TEX11: variants seen among roughly 807,000 people sequenced by gnomAD.
The protein encoded by TEX11 is testis-expressed protein 11.
A neutral mutation model predicts 84.4 loss-of-function variants in TEX11; 7 were observed. The ratio of observed to expected loss-of-function variants is 0.08; its 90% CI spans 0.05 to 0.16. TEX11 has a LOEUF of 0.16. Ranked by LOEUF, TEX11 falls within the 10% of genes least tolerant of loss-of-function variation. TEX11 has a pLI of 1.00. For missense variants in TEX11, 551 were observed against 660.5 expected (o/e 0.83, Z 1.82); for synonymous variants, 264 against 222.8 (o/e 1.18, Z -1.64).
At chrX:70,585,163 AC>A (rs2088836984) in intron 25 of TEX11, among the ~76,000 whole-genome samples, 1 of 112,393 alleles carries the variant, frequency 8.9e-6, no homozygotes, top group Admixed American at 9.5e-5. Flanking sequence ...CAAGAAAGCT[AC>A]AAATTCGGCA....
At chrX:70,591,641 A>T in intron 25 of TEX11, 110 bp downstream of exon 25, 2 of 492,400 alleles carry the variant, frequency 4.1e-6, no homozygotes, top group Non-Finnish European at 6.7e-6. Context: ...AAAACATTTG[A>T]CTGGTTATCA....
chrX:70,639,455 C>T (rs1297751543), intron 17 of TEX11, among the ~76,000 whole-genome samples: 3 of 112,309 alleles, frequency 2.7e-5, no homozygotes, highest in Non-Finnish European at 3.8e-5. Context: ...TAGGCTCCAC[C>T]TCTGGGGGCA....
At chrX:70,878,717 T>C (rs1484687602) in intron 3 of TEX11, among the ~76,000 whole-genome samples, 1 of 110,324 alleles carries the variant, frequency 9.1e-6, no homozygotes. Flanking sequence ...TAAAAATCTG[T>C]ACATGAGTAT....
the TEX11 span, among the ~76,000 whole-genome samples, chrX:70,521,130 C>A: frequency 1.8e-5 from 2 of 111,154 alleles, no homozygotes; most frequent in Non-Finnish European, 3.8e-5. Flanking sequence ...AGCAGCTCAC[C>A]CTCGGTGGGC....
At position 70,714,805 on chromosome X, in the gene TEX11, A is replaced by G. The variant is rs1214112824; in HGVS notation, c.1004+7813T>C. On this transcript the variant is annotated intron_variant, in intron 13 of 29. Coordinates refer to ENST00000374333, the MANE Select transcript of TEX11 (RefSeq NM_031276.3). ...TAGTCCATTTACATTTAAGGTTAATATTGTTATATGTGAATTTGACCCTGT... is the reference window on the plus strand; with the variant it reads ...TAGTCCATTTACATTTAAGGTTAATGTTGTTATATGTGAATTTGACCCTGT... 2.7e-5 allele frequency among the ~76,000 whole-genome samples: 3 copies of G among 111,643 alleles called. No homozygotes were observed. The East Asian group carries it at 8.4e-4, about 31-fold the overall frequency.
chrX:70,722,148 G>T (rs748624949), intron 13 of TEX11, among the ~76,000 whole-genome samples: 1 of 112,197 alleles, frequency 8.9e-6, no homozygotes, highest in African/African-American at 3.2e-5. Context: ...GTCTAAAACA[G>T]TGCTGCCCAA....
At chrX:70,697,864 G>A (rs1300637613) in intron 13 of TEX11, among the ~76,000 whole-genome samples, 2 of 111,885 alleles carry the variant, frequency 1.8e-5, no homozygotes, top group Non-Finnish European at 1.9e-5. Flanking sequence ...ATAAGGTTAA[G>A]CATCTGCAAA....
intron 17 of TEX11, among the ~76,000 whole-genome samples, chrX:70,644,110 A>G (rs1269941674): frequency 5.8e-5 from 6 of 102,904 alleles, no homozygotes; most frequent in African/African-American, 2.1e-4. Flanking sequence ...AAGTGGGCAA[A>G]GGACATGAAT....
chrX:70,670,486 CA>C lies in TEX11; in HGVS notation c.1270del (p.Trp424GlyfsTer6). 1 of 1,199,432 alleles carries C rather than the reference CA, an allele frequency of 8.3e-7. No homozygotes were observed. The highest frequency in any genetic ancestry group is 1.1e-6 in the Non-Finnish European group (1 of 891,476). On this transcript the variant is annotated frameshift_variant, in exon 16 of 30. Coordinates refer to ENST00000374333, the MANE Select transcript of TEX11 (RefSeq NM_031276.3). LOFTEE classifies it high-confidence loss of function. Reference protein sequence around the residue: ...EVQNYTDALQWYYYSLRFYST... With the variant: ...EVQNYTDALQXYYYSLRFYST... ...ATAAAACCTCAGAGAATAATAGTAC[CA>C]TTGTAGGGCATCAGTGTAATTTTGT...
intron 11 of TEX11, among the ~76,000 whole-genome samples, chrX:70,731,556 G>T (rs1171140596): frequency 1.8e-5 from 2 of 111,849 alleles, no homozygotes; most frequent in Non-Finnish European, 3.8e-5. Context: ...AAATCTAGAA[G>T]AAATGGATAA....
intron 11 of TEX11, among the ~76,000 whole-genome samples, chrX:70,732,633 T>TG (rs2090662949): frequency 9.0e-6 from 1 of 111,275 alleles, no homozygotes; most frequent in Admixed American, 9.6e-5. Context: ...TACAAACCAC[T>TG]GCTCAATGAA....
rs775417905 is a variant in TEX11, at chrX:70,547,960, A to T, written c.2520+4166T>A. ...CTATAAATCATGCTGCTATAAAGAC[A>T]CATGCACACGTATGTTTATTGCAGC... On this transcript the variant is annotated intron_variant, in intron 28 of 29. Coordinates refer to ENST00000374333, the MANE Select transcript of TEX11 (RefSeq NM_031276.3). Among the ~76,000 whole-genome samples the T allele has an allele frequency of 1.8e-3, 197 of 112,184 alleles. 1 individual carries two copies. Among genetic ancestry groups the T allele is most frequent in the Middle Eastern group, 9.2e-3 (2 of 218 alleles).
In TEX11 at chrX:70,529,816, T is replaced by C; in HGVS notation, c.2685+19A>G. 4 of 1,197,538 alleles carry C rather than the reference T, an allele frequency of 3.3e-6. No individual in the cohort carries two copies. The highest frequency in any genetic ancestry group is 4.5e-6 in the Non-Finnish European group (4 of 888,062). On this transcript the variant is annotated intron_variant, in intron 29 of 29. Transcript: ENST00000374333. ...GCCCCCTAGGTCATGTCATCTGCCC[T>C]AGCCCTCTCCCTCCTTACCTGAGTT...
At chrX:70,733,614 C>G (rs1327478051) in intron 11 of TEX11, among the ~76,000 whole-genome samples, 1 of 111,724 alleles carries the variant, frequency 9.0e-6, no homozygotes, top group Non-Finnish European at 1.9e-5. Flanking sequence ...GATACCATCT[C>G]ACACCAGTTA....
At chrX:70,757,766 T>C (rs1453256702) in intron 9 of TEX11, among the ~76,000 whole-genome samples, 2 of 111,570 alleles carry the variant, frequency 1.8e-5, no homozygotes, top group Non-Finnish European at 3.8e-5. Context: ...AATTCACTCA[T>C]AACAATATGA....
In TEX11 at chrX:70,853,160, A is replaced by G. The variant is rs1173524126; in HGVS notation, c.406-7T>C. The G allele has an allele frequency of 5.0e-6, 6 of 1,210,820 alleles. No homozygotes were observed. Among genetic ancestry groups the G allele is most frequent in the African/African-American group, 1.7e-5 (1 of 57,745 alleles). On this transcript the variant is annotated splice_polypyrimidine_tract_variant and splice_region_variant and intron_variant, in intron 6 of 29. Coordinates refer to ENST00000374333, the MANE Select transcript of TEX11 (RefSeq NM_031276.3). ...CGTATAATTGCTCCAGACTCTGGAA[A>G]ATAAACCCACAGTACAATGTAACAA...
In TEX11 at chrX:70,529,064, A is replaced by C; in HGVS notation, c.*31T>G. 8.9e-7 allele frequency: 1 copy of C among 1,124,499 alleles called. No individual in the cohort carries two copies. Among genetic ancestry groups the C allele is most frequent in the Non-Finnish European group, 1.2e-6 (1 of 819,301 alleles). The allele number at this position is 1,124,499 out of a possible 1,213,427, so 92.7% of individuals were successfully genotyped here. On this transcript the variant is annotated 3_prime_UTR_variant, in exon 30 of 30. Transcript: ENST00000374333. ...TTTAAACAGTCAGCATCTCGGGACAATGTATCTTCTTCATGTGGCCATGAG... is the reference window on the plus strand; with the variant it reads ...TTTAAACAGTCAGCATCTCGGGACACTGTATCTTCTTCATGTGGCCATGAG...
intron 17 of TEX11, among the ~76,000 whole-genome samples, chrX:70,630,007 C>T (rs2089491430): frequency 8.9e-6 from 1 of 111,819 alleles, no homozygotes; most frequent in Non-Finnish European, 1.9e-5. Flanking sequence ...GTTCATCCAG[C>T]ATTGTTTATA....
intron 2 of TEX11, among the ~76,000 whole-genome samples, chrX:70,888,933 T>C (rs982548963): frequency 1.3e-4 from 14 of 111,153 alleles, no homozygotes; most frequent in Non-Finnish European, 2.4e-4. Flanking sequence ...GCATGACATA[T>C]TTAAAGTGCT....
Sources: gnomAD v4.1 joint callset for allele counts (sites outside exome capture counted in the v4.1 genomes callset) on GRCh38, gnomAD v4.1.1 for gene constraint, MANE v1.5 for transcripts, NCBI Gene and HGNC (gene_info 2026-07-23, HGNC 2026-07-21) for gene names.